The following ABCA3 variants were observed in gnomAD, a reference collection of about 807,000 sequenced individuals.
ABCA3 encodes phospholipid-transporting ATPase ABCA3.
ABCA3 carries 88 observed loss-of-function variants against 172.8 expected under a neutral mutation model. The ratio of observed to expected loss-of-function variants is 0.51; its 90% confidence interval spans 0.43 to 0.61. The LOEUF (loss-of-function observed/expected upper bound fraction) is 0.61. Ranked by LOEUF, ABCA3 falls within the 20% of genes least tolerant of loss-of-function variation. The probability of loss-of-function intolerance (pLI) is 0.00; values close to 1 mark genes in which losing one functional copy is unlikely to be tolerated. For missense variants in ABCA3, 2,164 were observed against 2,301.0 expected (o/e 0.94, Z 1.22); for synonymous variants, 1,066 against 983.8 (o/e 1.08, Z -1.56).
At chr16:2,327,859 T>A (rs1191809743) in intron 3 of ABCA3, among the ~76,000 whole-genome samples, 1 of 152,166 alleles carries the variant, frequency 6.6e-6, no homozygotes, top group Admixed American at 6.5e-5. Context: ...TAACTGGGAT[T>A]ACAGGCGCCT....
intron 1 of ABCA3, among the ~76,000 whole-genome samples, chr16:2,333,761 T>C (rs1370471249): frequency 2.0e-5 from 3 of 151,452 alleles, no homozygotes; most frequent in African/African-American, 7.3e-5. Context: ...TGATCTCAGC[T>C]CACTGCAACC....
intron 10 of ABCA3, among the ~76,000 whole-genome samples, chr16:2,309,390 C>CG (rs1280735704): frequency 6.6e-6 from 1 of 152,196 alleles, no homozygotes; most frequent in Non-Finnish European, 1.5e-5. Flanking sequence ...TCCCCTCCCA[C>CG]GCCTGGAATA....
chr16:2,325,763 G>A (rs1012570448), intron 5 of ABCA3, among the ~76,000 whole-genome samples: 3 of 152,212 alleles, frequency 2.0e-5, no homozygotes, highest in South Asian at 4.1e-4. Flanking sequence ...GGTCCCTTTG[G>A]TGGGGACTGT....
intron 18 of ABCA3, among the ~76,000 whole-genome samples, chr16:2,293,074 T>C (rs2093674588): frequency 6.6e-6 from 1 of 152,112 alleles, no homozygotes; most frequent in Admixed American, 6.5e-5. Flanking sequence ...TTTCTTTAGA[T>C]GGAGTTTTGC....
intron 6 of ABCA3, among the ~76,000 whole-genome samples, chr16:2,324,135 T>C (rs1304113626): frequency 1.3e-5 from 2 of 152,170 alleles, no homozygotes; most frequent in Non-Finnish European, 2.9e-5. Context: ...ATATCTTTCA[T>C]AAAATGAGGG....
In ABCA3 at chr16:2,286,596, G is replaced by T. The variant is rs2141696419; in HGVS notation, c.3278+98C>A. 2.0e-6 allele frequency: 3 copies of T among 1,498,850 alleles called. No homozygotes were observed. Among genetic ancestry groups the T allele is most frequent in the South Asian group, 1.2e-5 (1 of 83,942 alleles). The allele number at this position is 1,498,850 out of a possible 1,614,324, so 92.8% of individuals were successfully genotyped here. A position where few individuals can be genotyped will look rare whatever the true frequency, so the allele number is the denominator to read the frequency against. On this transcript the variant is annotated intron_variant, in intron 22 of 32. Coordinates refer to ENST00000301732, the MANE Select transcript of ABCA3 (RefSeq NM_001089.3). The surrounding 1 kb of genome is among the most constrained non-coding windows in gnomAD (Gnocchi z 5.2). ...CACCAGACCCAGGGGCTTTGGGAGG[G>T]CAGACACAATGCTCTATCTATGGGC...
In ABCA3 at chr16:2,285,389, G is replaced by A. The variant is rs980770546; in HGVS notation, c.3483+53C>T. On this transcript the variant is annotated intron_variant, in intron 23 of 32. Coordinates refer to ENST00000301732, the MANE Select transcript of ABCA3 (RefSeq NM_001089.3). The surrounding 1 kb of genome is among the most constrained non-coding windows in gnomAD (Gnocchi z 4.7). ...TCCGGTTCTGCACAGGGGTCCCAGG[G>A]CAAGCCCTCTGCGGTCTGCAGGGGA... is the stretch of plus-strand genomic sequence containing the variant. 1.3e-6 allele frequency: 2 copies of A among 1,555,848 alleles called. No individual in the cohort carries two copies. The highest frequency in any genetic ancestry group is 1.9e-5 in the Admixed American group (1 of 52,002).
rs892504246 is a variant in ABCA3 at position 2,328,720 on chromosome 16, A to G, written c.-294T>C. The G allele has an allele frequency of 2.8e-6, 1 of 351,452 alleles. No individual in the cohort carries two copies. The highest frequency in any genetic ancestry group is 3.5e-5 in the Admixed American group (1 of 28,178). The allele number at this position is 351,452 out of a possible 1,614,324, so 21.8% of individuals were successfully genotyped here. Reference sequence around the variant, plus strand: ...AAAAGCCTCCTTGACTCACAGTGGAAGAGTTTCAGGTTCAGTTGCTCAGCT... The same window carrying G: ...AAAAGCCTCCTTGACTCACAGTGGAGGAGTTTCAGGTTCAGTTGCTCAGCT... On this transcript the variant is annotated 5_prime_UTR_variant, in exon 3 of 33. Coordinates refer to ENST00000301732, the MANE Select transcript of ABCA3 (RefSeq NM_001089.3).
intron 11 of ABCA3, among the ~76,000 whole-genome samples, chr16:2,305,885 T>C (rs2093696913): frequency 6.6e-6 from 1 of 152,160 alleles, no homozygotes; most frequent in African/African-American, 2.4e-5. Context: ...CTCTCTTTAA[T>C]GGAGCTCGTG....
In ABCA3 at chr16:2,284,934, A is replaced by G. The variant is rs2093660455; in HGVS notation, c.3548T>C (p.Leu1183Pro). 1 of 1,613,838 alleles carries G rather than the reference A, an allele frequency of 6.2e-7. No homozygotes were observed. The highest frequency in any genetic ancestry group is 2.2e-5 in the East Asian group (1 of 44,874). Residue 1183 changes from leucine (L) to proline (P), a missense_variant, in exon 24 of 33, where the codon CTG becomes CCG. Leu to Pro is a moderately conservative substitution (Grantham distance 98). Coordinates refer to ENST00000301732, the MANE Select transcript of ABCA3 (RefSeq NM_001089.3). This position sits in a 1 kb window ranked among gnomAD's most constrained non-coding sequence, Gnocchi z 5.9. ...GGCCCAGCCGTAGAGCAGGAGCAGC[A>G]GCAGGGTGTCAGCCATGTGGCCGTC... is the stretch of plus-strand genomic sequence containing the variant. ...TRDGHMADTL[L>P]LLLLYGWAII...
intron 11 of ABCA3, among the ~76,000 whole-genome samples, chr16:2,306,733 G>T (rs1025923322): frequency 2.0e-5 from 3 of 152,022 alleles, no homozygotes; most frequent in Admixed American, 2.0e-4. Context: ...TAAAAATTAA[G>T]AAAAAAAGTG....
intron 11 of ABCA3, 146 bp downstream of exon 11, chr16:2,308,304 G>T (rs375944597): frequency 2.1e-6 from 2 of 970,496 alleles, no homozygotes; most frequent in African/African-American, 1.6e-5. Context: ...CACACTCAGC[G>T]CTGTATGCGG....
intron 2 of ABCA3, among the ~76,000 whole-genome samples, chr16:2,328,996 C>CTTT (rs11342708): frequency 7.4e-6 from 1 of 134,288 alleles, no homozygotes; most frequent in African/African-American, 2.6e-5. Flanking sequence ...AAAACTCTTG[C>CTTT]TTTTTTTTTT....
Position 2,278,818 on chromosome 16 carries a change from A to G in ABCA3, c.4547+125T>C. 3 of 1,422,792 alleles carry G rather than the reference A, an allele frequency of 2.1e-6. No individual in the cohort carries two copies. The allele number at this position is 1,422,792 out of a possible 1,614,324, so 88.1% of individuals were successfully genotyped here. A position where few individuals can be genotyped will look rare whatever the true frequency, so the allele number is the denominator to read the frequency against. On this transcript the variant is annotated intron_variant, in intron 29 of 32. Coordinates refer to ENST00000301732, the MANE Select transcript of ABCA3 (RefSeq NM_001089.3). This position sits in a 1 kb window ranked among gnomAD's most constrained non-coding sequence, Gnocchi z 4.4. ...TACCTGGGTCACACCACCACATCCC[A>G]GCTCCATCCTGGAGCCACAAGCAGG...
rs193530 is a variant in ABCA3 at position 2,281,978 on chromosome 16, C to T, written c.4036-469G>A. 0.7 allele frequency among the ~76,000 whole-genome samples: 105,926 copies of T among 151,884 alleles called. 37,779 individuals carry two copies. Among genetic ancestry groups the T allele is most frequent in the East Asian group, 0.98 (5,050 of 5,172 alleles). ...CTAATTTTTGTATTTTTAGTAGAGA[C>T]GGAGTTTCACTGTGTTGGCCAGGCT... On this transcript the variant is annotated intron_variant, in intron 26 of 32. Transcript: ENST00000301732. This position sits in a 1 kb window ranked among gnomAD's most constrained non-coding sequence, Gnocchi z 4.7.
Position 2,278,007 on chromosome 16 carries a change from C to T in ABCA3, c.4781G>A (p.Cys1594Tyr). Residue 1594 changes from cysteine to tyrosine, a missense_variant, in exon 31 of 33, where the codon TGC (cysteine) becomes TAC (tyrosine). This residue lies in a region of ABCA3 where 795 missense variants were observed against 881.9 expected (regional missense o/e 0.90). Coordinates refer to ENST00000301732, the MANE Select transcript of ABCA3 (RefSeq NM_001089.3). This position sits in a 1 kb window ranked among gnomAD's most constrained non-coding sequence, Gnocchi z 4.4. Reference protein sequence around the residue: ...LAIMVQGQFKCLGSPQHLKSK... With the variant: ...LAIMVQGQFKYLGSPQHLKSK... ...CTTGAGGTGCTGGGGGCTGCCCAGGCACTTGAACTGCCCCTGCACCATGAT... is the reference window on the plus strand; with the variant it reads ...CTTGAGGTGCTGGGGGCTGCCCAGGTACTTGAACTGCCCCTGCACCATGAT... 2 of 1,613,314 alleles carry T rather than the reference C, an allele frequency of 1.2e-6. No homozygotes were observed. The highest frequency in any genetic ancestry group is 1.7e-6 in the Non-Finnish European group (2 of 1,179,990).
In ABCA3 at chr16:2,299,922, C is replaced by T. The variant is rs1161302596; in HGVS notation, c.1611+83G>A. The T allele has an allele frequency of 8.2e-6, 13 of 1,588,726 alleles. No homozygotes were observed. In the East Asian group the frequency reaches 2.9e-4, roughly 36 times the overall value. On this transcript the variant is annotated intron_variant, in intron 13 of 32. Coordinates refer to ENST00000301732, the MANE Select transcript of ABCA3 (RefSeq NM_001089.3). The stretch of plus-strand genomic sequence containing the variant: ...AGGCTCAGAGGGAGCGCCTGACGGG[C>T]TATGAGGTCTCACTGCCGTGCTGGT...
At chr16:2,311,165 G>A (rs1003347366) in intron 10 of ABCA3, among the ~76,000 whole-genome samples, 3 of 151,728 alleles carry the variant, frequency 2.0e-5, no homozygotes, top group African/African-American at 4.8e-5. Context: ...GTAGAGACGG[G>A]GTTTCACCAT....
intron 12 of ABCA3, among the ~76,000 whole-genome samples, chr16:2,300,373 G>C (rs2093687041): frequency 2.0e-5 from 3 of 151,972 alleles, no homozygotes; most frequent in Admixed American, 6.6e-5. Context: ...GGGTGTAATG[G>C]TTACATACAG....
Sources: allele counts gnomAD v4.1 joint callset (sites outside exome capture counted in the v4.1 genomes callset), GRCh38; gene constraint gnomAD v4.1.1; regional missense constraint gnomAD v4.1.1; non-coding constraint Gnocchi (gnomAD v3.1); transcripts MANE v1.5; gene names NCBI Gene and HGNC (gene_info 2026-07-23, HGNC 2026-07-21).